The following LCMT1 variants were observed in gnomAD, a reference collection of about 807,000 sequenced individuals.
LCMT1 encodes the protein leucine carboxyl methyltransferase 1, also known as [Phosphatase 2A protein]-leucine-carboxy methyltransferase 1.
A neutral mutation model predicts 47.7 loss-of-function variants in LCMT1; 32 were observed. That is an observed-to-expected ratio of 0.67 (90% CI 0.51 to 0.90). The LOEUF (loss-of-function observed/expected upper bound fraction) is 0.90. Ranked by LOEUF, LCMT1 falls within the 40% of genes least tolerant of loss-of-function variation. The pLI is 0.00. For missense variants in LCMT1, 375 were observed against 415.2 expected, an observed-to-expected ratio of 0.90 and a Z score of 0.84; for synonymous variants, 152 against 149.7, an observed-to-expected ratio of 1.02 and a Z score of -0.11.
chr16:25,159,106 A>G (rs1961345384), intron 5 of LCMT1, among the ~76,000 whole-genome samples: 2 of 152,218 alleles, frequency 1.3e-5, no homozygotes, highest in Admixed American at 6.5e-5. Context: ...ACTACATGGT[A>G]CTAGACTTCA....
At chr16:25,114,716 C>T (rs543030419) in intron 1 of LCMT1, among the ~76,000 whole-genome samples, 1 of 152,270 alleles carries the variant, frequency 6.6e-6, no homozygotes, top group South Asian at 2.1e-4. Context: ...TCACCCTGAC[C>T]TTTCCTCAGG....
At chr16:25,151,138 T>C (rs1001191797) in intron 4 of LCMT1, among the ~76,000 whole-genome samples, 1 of 152,252 alleles carries the variant, frequency 6.6e-6, no homozygotes, top group Non-Finnish European at 1.5e-5. Context: ...GAGTCAATTC[T>C]TCTGGCTACC....
At chr16:25,164,442 C>T (rs1597600683) in intron 6 of LCMT1, among the ~76,000 whole-genome samples, 156 bp from the exon 7 acceptor site, 1 of 152,248 alleles carries the variant, frequency 6.6e-6, no homozygotes, top group South Asian at 2.1e-4. Context: ...GACGGTATTC[C>T]ACATGTATTC....
chr16:25,169,331 G>GT, intron 8 of LCMT1, 118 bp downstream of exon 8: 8 of 675,090 alleles, frequency 1.2e-5, no homozygotes, highest in Non-Finnish European at 2.1e-5. Context: ...CAGCAGCACA[G>GT]GCTGCTGAGC....
At chr16:25,140,370 A>C in intron 4 of LCMT1, 123 bp downstream of exon 4, 1 of 726,446 alleles carries the variant, frequency 1.4e-6, no homozygotes, top group Non-Finnish European at 2.3e-6. Flanking sequence ...ACTGCCCCCC[A>C]CCAACTTTTT....
intron 5 of LCMT1, among the ~76,000 whole-genome samples, chr16:25,159,383 C>T (rs1961353995): frequency 1.3e-5 from 2 of 152,204 alleles, no homozygotes; most frequent in African/African-American, 2.4e-5. Flanking sequence ...CATCACACCT[C>T]AGCCTCCGGA....
At chr16:25,142,243 A>G (rs1407447835) in intron 4 of LCMT1, 1 of 152,256 alleles carries the variant, frequency 6.6e-6, no homozygotes. Context: ...ATGGGGGAAA[A>G]GATAGCCTTC....
Position 25,170,788 on chromosome 16 carries a change from T to G in LCMT1, c.867T>G (p.Pro289=), listed in dbSNP as rs1404930793. The change falls in exon 9 of 11, where the codon CCT becomes CCG. Residue 289 remains proline (P), a synonymous_variant. Coordinates refer to ENST00000399069, the MANE Select transcript of LCMT1 (RefSeq NM_016309.3). The part of the protein sequence containing the change: ...VDMMELYNRL[P]RAEVSRIESL... The stretch of plus-strand genomic sequence containing the variant: ...TGATGGAGTTGTACAACAGGTTACC[T>G]CGAGCTGAAGTGAGCAGGTATGGGG... The G allele has an allele frequency of 8.7e-6, 14 of 1,612,200 alleles. No individual in the cohort carries two copies. Among genetic ancestry groups the G allele is most frequent in the Non-Finnish European group, 1.2e-5 (14 of 1,178,674 alleles).
intron 3 of LCMT1, among the ~76,000 whole-genome samples, 178 bp downstream of exon 3, chr16:25,132,701 C>T (rs746760171): frequency 6.6e-5 from 10 of 151,876 alleles, no homozygotes; most frequent in Non-Finnish European, 1.3e-4. Flanking sequence ...TCACCAGGGC[C>T]CTGGTGACAG....
intron 10 of LCMT1, among the ~76,000 whole-genome samples, chr16:25,176,548 GGC>G (rs1567332060): frequency 1.1e-5 from 1 of 93,094 alleles, no homozygotes; most frequent in Admixed American, 1.3e-4. Flanking sequence ...GTTTTTTTTT[GGC>G]TTTTTTTTTT....
intron 5 of LCMT1, among the ~76,000 whole-genome samples, chr16:25,153,831 T>G (rs1388529649): frequency 2.6e-5 from 4 of 151,842 alleles, no homozygotes; most frequent in African/African-American, 9.7e-5. Context: ...CTGGCGCCTG[T>G]AATCCCAGCT....
intron 1 of LCMT1, among the ~76,000 whole-genome samples, chr16:25,127,356 G>A (rs1430593105): frequency 6.6e-6 from 1 of 152,186 alleles, no homozygotes. Flanking sequence ...TCCTTGGACA[G>A]TCTGGGCTTG....
intron 1 of LCMT1, among the ~76,000 whole-genome samples, chr16:25,114,981 A>G (rs991565099): frequency 6.6e-6 from 1 of 151,866 alleles, no homozygotes; most frequent in African/African-American, 2.4e-5. Context: ...ACCTTAGGTG[A>G]CCTCAGCATC....
intron 10 of LCMT1, 59 bp from the exon 11 acceptor site, chr16:25,177,942 G>A (rs1344146642): frequency 1.2e-5 from 19 of 1,531,566 alleles, no homozygotes; most frequent in East Asian, 1.1e-4. Context: ...GGTCCTCTAG[G>A]GGCCTCTGCT....
intron 7 of LCMT1, 140 bp from the exon 8 acceptor site, chr16:25,168,972 C>G: frequency 1.6e-6 from 1 of 637,396 alleles, no homozygotes; most frequent in Non-Finnish European, 2.8e-6. Flanking sequence ...TGCTGGTGCC[C>G]GCCCCTCAGT....
In LCMT1 at chr16:25,178,098, C is replaced by T. The variant is rs745704716; in HGVS notation, c.*75C>T. On this transcript the variant is annotated 3_prime_UTR_variant, in exon 11 of 11. Transcript: ENST00000399069. ...GGAGGAGACCTGCAAGCTCCCTGAG[C>T]GGTGGGCGGGCCTCGTCCGCAGGTC... The T allele has an allele frequency of 2.1e-5, 31 of 1,469,464 alleles. No homozygotes were observed. Among genetic ancestry groups the T allele is most frequent in the African/African-American group, 2.8e-5 (2 of 71,630 alleles). 91.0% of individuals were successfully genotyped at this position (1,469,464 alleles called of 1,614,324 possible).
At chr16:25,167,210 C>T (rs947623418) in intron 7 of LCMT1, among the ~76,000 whole-genome samples, 2 of 152,132 alleles carry the variant, frequency 1.3e-5, no homozygotes, top group African/African-American at 2.4e-5. Flanking sequence ...GAATAATGAA[C>T]ATTTAAGTTA....
chr16:25,124,902 C>T (rs537441610), intron 1 of LCMT1, among the ~76,000 whole-genome samples: 25 of 152,262 alleles, frequency 1.6e-4, no homozygotes, highest in African/African-American at 5.8e-4. Flanking sequence ...AAATGTTAGG[C>T]AGCACCTCAA....
In LCMT1 at chr16:25,169,165, C is replaced by G; in HGVS notation, c.744C>G (p.Arg248=). ...TCATGATTGAAAACCTGCGGAGACGCCAGTGTGACCTGGCGGGAGTGGAGA... is the reference window on the plus strand; with the variant it reads ...TCATGATTGAAAACCTGCGGAGACGGCAGTGTGACCTGGCGGGAGTGGAGA... ...GQIMIENLRR[R]QCDLAGVETC... is the part of the protein sequence containing the mutation. The change falls in exon 8 of 11, where the codon CGC becomes CGG. Residue 248 remains arginine, a synonymous_variant. Coordinates refer to ENST00000399069, the MANE Select transcript of LCMT1 (RefSeq NM_016309.3). 2 of 1,613,606 alleles carry G rather than the reference C, an allele frequency of 1.2e-6. No homozygotes were observed. The highest frequency in any genetic ancestry group is 1.7e-6 in the Non-Finnish European group (2 of 1,179,762).
Sources: gnomAD v4.1 joint callset for allele counts (sites outside exome capture counted in the v4.1 genomes callset) on GRCh38, gnomAD v4.1.1 for gene constraint, MANE v1.5 for transcripts, NCBI Gene and HGNC (gene_info 2026-07-23, HGNC 2026-07-21) for gene names.